SLC49A4: variants seen among roughly 807,000 people sequenced by gnomAD.
SLC49A4 encodes the protein disrupted in renal cancer protein 2.
Under a neutral mutation model 50.6 loss-of-function variants are expected in SLC49A4, and 36 were observed. The ratio of observed to expected loss-of-function variants is 0.71; its 90% CI spans 0.55 to 0.94. The LOEUF is 0.94. Among genes scored for constraint, SLC49A4 ranks in the 40% least tolerant of loss-of-function variants. SLC49A4 has a pLI of 0.00. For missense variants in SLC49A4, 503 were observed against 605.7 expected (o/e 0.83, Z 1.78); for synonymous variants, 248 against 241.2 (o/e 1.03, Z -0.26).
At chr3:122,797,062 C>T (rs1936053302) in intron 1 of SLC49A4, among the ~76,000 whole-genome samples, 3 of 152,146 alleles carry the variant, frequency 2.0e-5, no homozygotes, top group Admixed American at 2.0e-4. Context: ...TTCCTTCTCT[C>T]CTCCTTCACT....
At chr3:122,852,862 C>T (rs777314548) in intron 5 of SLC49A4, among the ~76,000 whole-genome samples, 16 of 152,116 alleles carry the variant, frequency 1.1e-4, no homozygotes, top group Non-Finnish European at 2.1e-4. Flanking sequence ...CTCCAAATAC[C>T]GTGCTTATCT....
intron 4 of SLC49A4, among the ~76,000 whole-genome samples, chr3:122,838,251 G>A (rs1936719056): frequency 6.6e-6 from 1 of 151,960 alleles, no homozygotes; most frequent in Non-Finnish European, 1.5e-5. Flanking sequence ...ATAAAGACAT[G>A]CAAACGTATG....
chr3:122,843,711 C>T (rs1936810319), intron 4 of SLC49A4, among the ~76,000 whole-genome samples: 1 of 152,126 alleles, frequency 6.6e-6, no homozygotes, highest in Admixed American at 6.5e-5. Flanking sequence ...TTGTTGATTT[C>T]CTCATTGTAT....
chr3:122,839,055 A>G (rs1283734038), intron 4 of SLC49A4, among the ~76,000 whole-genome samples: 1 of 152,192 alleles, frequency 6.6e-6, no homozygotes, highest in Non-Finnish European at 1.5e-5. Context: ...GGACAGTCCA[A>G]TGGAACAGAA....
rs1464700018 is a variant in SLC49A4 at position 122,795,306 on chromosome 3, C to G, written c.114C>G (p.Pro38=). The part of the protein sequence containing the change: ...RSREAAAAAL[P]AAVPGPGRVY... Reference sequence around the variant, plus strand: ...GGGAGGCGGCGGCGGCGGCGCTGCCCGCGGCGGTCCCGGGTCCCGGGCGGG... The same window carrying G: ...GGGAGGCGGCGGCGGCGGCGCTGCCGGCGGCGGTCCCGGGTCCCGGGCGGG... Residue 38 remains proline, a synonymous_variant, in exon 1 of 9, where the codon CCC becomes CCG. Transcript: ENST00000261038. 2 of 1,462,786 alleles carry G rather than the reference C, an allele frequency of 1.4e-6. No homozygotes were observed. The highest frequency in any genetic ancestry group is 1.8e-6 in the Non-Finnish European group (2 of 1,120,064). 90.6% of individuals were successfully genotyped at this position (1,462,786 alleles called of 1,614,324 possible).
intron 7 of SLC49A4, among the ~76,000 whole-genome samples, chr3:122,865,372 T>TA (rs760108795): frequency 5.9e-5 from 9 of 152,216 alleles, no homozygotes; most frequent in Admixed American, 2.0e-4. Flanking sequence ...AATAGTACCT[T>TA]ACAGCAAAAT....
chr3:122,877,072 C>T (rs1012873782), intron 8 of SLC49A4, among the ~76,000 whole-genome samples: 7 of 152,096 alleles, frequency 4.6e-5, no homozygotes, highest in Non-Finnish European at 8.8e-5. Context: ...TTCAGTGGCT[C>T]GCGATTCTGT....
intron 4 of SLC49A4, among the ~76,000 whole-genome samples, chr3:122,838,988 A>G (rs1403892460): frequency 1.3e-5 from 2 of 152,220 alleles, no homozygotes; most frequent in African/African-American, 4.8e-5. Flanking sequence ...ACTTCAAATT[A>G]TACTACAAGG....
In SLC49A4 at chr3:122,806,884, C is replaced by T; in HGVS notation, c.371C>T (p.Ser124Phe). 1 of 1,610,060 alleles carries T rather than the reference C, an allele frequency of 6.2e-7. No individual in the cohort carries two copies. Among genetic ancestry groups the T allele is most frequent in the Non-Finnish European group, 8.5e-7 (1 of 1,176,670 alleles). ...RGLRITVLLT[S>F]FLMVLGTGLR... ...CTCCGGATAACTGTGCTCCTGACAT[C>T]CTTCCTTATGGTTTTGGGAACTGGT... Residue 124 changes from serine (S) to phenylalanine (F), a missense_variant, in exon 2 of 9, where the codon TCC becomes TTC. Transcript: ENST00000261038.
At chr3:122,836,115 T>C (rs1015981263) in intron 4 of SLC49A4, among the ~76,000 whole-genome samples, 1 of 152,208 alleles carries the variant, frequency 6.6e-6, no homozygotes, top group African/African-American at 2.4e-5. Flanking sequence ...CCATTCAGTG[T>C]GATATTGGCT....
intron 2 of SLC49A4, among the ~76,000 whole-genome samples, chr3:122,807,969 G>A (rs9847240): frequency 0.54 from 81,591 of 151,838 alleles, 23,408 homozygotes; most frequent in Non-Finnish European, 0.66. Context: ...TGATTATAAG[G>A]GGTAGAGATT....
chr3:122,834,302 G>A (rs1376182947), intron 4 of SLC49A4, among the ~76,000 whole-genome samples: 1 of 152,078 alleles, frequency 6.6e-6, no homozygotes, highest in Admixed American at 6.6e-5. Flanking sequence ...AGCCACATAA[G>A]TAATCTTACA....
rs944592698 is a variant in SLC49A4, at chr3:122,816,238, A to G, written c.437+9288A>G. Among the ~76,000 whole-genome samples the G allele has an allele frequency of 6.6e-5, 10 of 152,154 alleles. No homozygotes were observed. The South Asian group carries it at 2.1e-3, about 31-fold the overall frequency. On this transcript the variant is annotated intron_variant, in intron 2 of 8. Transcript: ENST00000261038. ...GATTCAGAAGCAACCTGAGGCTTCAAATTTCTGGATTCTCATTAAATTTAT... is the reference window on the plus strand; with the variant it reads ...GATTCAGAAGCAACCTGAGGCTTCAGATTTCTGGATTCTCATTAAATTTAT...
chr3:122,809,417 CTT>C (rs1366383426), intron 2 of SLC49A4, among the ~76,000 whole-genome samples: 1 of 152,086 alleles, frequency 6.6e-6, no homozygotes, highest in East Asian at 1.9e-4. Context: ...TTCAACACTG[CTT>C]TCTTTTAAAA....
chr3:122,809,699 G>A (rs997896664), intron 2 of SLC49A4, among the ~76,000 whole-genome samples: 8 of 152,092 alleles, frequency 5.3e-5, no homozygotes, highest in African/African-American at 1.9e-4. Context: ...CCATCTTGTT[G>A]GAGAAGGTGG....
intron 2 of SLC49A4, among the ~76,000 whole-genome samples, chr3:122,817,237 G>T (rs183761035): frequency 6.6e-6 from 1 of 152,320 alleles, no homozygotes; most frequent in East Asian, 1.9e-4. Context: ...AGAAGTCAGA[G>T]AAATGTTTTC....
At chr3:122,836,275 CT>C (rs1396766363) in intron 4 of SLC49A4, among the ~76,000 whole-genome samples, 1 of 151,908 alleles carries the variant, frequency 6.6e-6, no homozygotes, top group Non-Finnish European at 1.5e-5. Context: ...GTCTTTGATT[CT>C]GTTTATATGC....
At chr3:122,798,212 G>A (rs1290504575) in intron 1 of SLC49A4, among the ~76,000 whole-genome samples, 1 of 152,108 alleles carries the variant, frequency 6.6e-6, no homozygotes, top group Non-Finnish European at 1.5e-5. Flanking sequence ...AAATTCAGGG[G>A]AAAATGCTGT....
intron 5 of SLC49A4, among the ~76,000 whole-genome samples, chr3:122,850,619 C>T (rs946966020): frequency 6.6e-6 from 1 of 151,740 alleles, no homozygotes; most frequent in Admixed American, 6.6e-5. Flanking sequence ...ATGATCCTCC[C>T]ACCTCAGCCA....
Sources: allele counts gnomAD v4.1 joint callset (sites outside exome capture counted in the v4.1 genomes callset), GRCh38; gene constraint gnomAD v4.1.1; transcripts MANE v1.5; gene names NCBI Gene and HGNC (gene_info 2026-07-23, HGNC 2026-07-21).